Variants in CACNA2D1 observed in about 807,000 individuals in gnomAD.
CACNA2D1 encodes the protein calcium voltage-gated channel auxiliary subunit alpha2delta 1.
In CACNA2D1, 53 loss-of-function variants were observed where a neutral mutation model predicts 171.5. The ratio of observed to expected loss-of-function variants is 0.31; its 90% confidence interval spans 0.25 to 0.39. The LOEUF is 0.39. Ranked by LOEUF, CACNA2D1 falls within the 10% of genes least tolerant of loss-of-function variation. The pLI, the probability that CACNA2D1 is intolerant of heterozygous loss-of-function variation, is 1.00. For missense variants in CACNA2D1, 903 were observed against 1,299.8 expected (o/e 0.69, Z 4.69); for synonymous variants, 442 against 443.1 (o/e 1.00, Z 0.03).
In CACNA2D1 at chr7:82,398,766, T is replaced by C. The variant is rs370792734; in HGVS notation, c.95+44599A>G. ...TATTTTTTAAAATTTTTTGTAGAGA[T>C]GGTGGTCTCAACATGTTGCCTAGGC... is the stretch of plus-strand genomic sequence containing the variant. On this transcript the variant is annotated intron_variant, in intron 1 of 38. Coordinates refer to ENST00000356860, the MANE Select transcript of CACNA2D1 (RefSeq NM_000722.4). Among the ~76,000 whole-genome samples, 33 of 151,946 alleles carry C rather than the reference T, an allele frequency of 2.2e-4. No homozygotes were observed. The East Asian group carries it at 6.2e-3, about 29-fold the overall frequency.
chr7:82,003,743 ACTT>A (rs1798839400), intron 18 of CACNA2D1, among the ~76,000 whole-genome samples: 1 of 146,500 alleles, frequency 6.8e-6, no homozygotes, highest in South Asian at 2.2e-4. Context: ...TCATCACATT[ACTT>A]TTTTTTTTTT....
chr7:82,294,261 A>G (rs1049354057), intron 3 of CACNA2D1, among the ~76,000 whole-genome samples: 1 of 152,174 alleles, frequency 6.6e-6, no homozygotes, highest in Admixed American at 6.5e-5. Context: ...GACAGTAAAA[A>G]TAACTTGGCC....
intron 3 of CACNA2D1, among the ~76,000 whole-genome samples, chr7:82,208,325 G>A (rs544659429): frequency 1.7e-3 from 262 of 152,054 alleles, no homozygotes; most frequent in African/African-American, 5.9e-3. Flanking sequence ...TAGCATTAAC[G>A]ACTTGATATC....
chr7:82,029,063 G>T (rs1211723737), intron 12 of CACNA2D1: 3 of 151,748 alleles, frequency 2.0e-5, no homozygotes, highest in African/African-American at 4.8e-5. Context: ...GTGAAAGGAA[G>T]AGTCAGTCAA....
chr7:82,304,343 A>G (rs1359182630), intron 3 of CACNA2D1, among the ~76,000 whole-genome samples: 1 of 150,514 alleles, frequency 6.6e-6, no homozygotes, highest in Admixed American at 6.7e-5. Flanking sequence ...ATTAGTGGAT[A>G]TTAATCCAAA....
intron 3 of CACNA2D1, among the ~76,000 whole-genome samples, chr7:82,200,245 T>G (rs181155580): frequency 1.2e-4 from 18 of 152,208 alleles, no homozygotes; most frequent in African/African-American, 3.8e-4. Flanking sequence ...AGCAAGGTTA[T>G]CCAACAGAAT....
intron 1 of CACNA2D1, among the ~76,000 whole-genome samples, chr7:82,409,495 T>C (rs1343611833): frequency 1.3e-5 from 2 of 152,202 alleles, no homozygotes; most frequent in Non-Finnish European, 2.9e-5. Context: ...TAGGTTCTCC[T>C]ATTCAGTGAT....
intron 3 of CACNA2D1, among the ~76,000 whole-genome samples, chr7:82,236,654 T>A (rs1298610169): frequency 6.6e-6 from 1 of 152,100 alleles, no homozygotes; most frequent in East Asian, 1.9e-4. Context: ...GAATGGAGAA[T>A]TCAACCAAAG....
At chr7:82,321,140 T>C (rs1277265873) in intron 3 of CACNA2D1, among the ~76,000 whole-genome samples, 3 of 152,156 alleles carry the variant, frequency 2.0e-5, no homozygotes, top group African/African-American at 4.8e-5. Context: ...GGCTCACGCC[T>C]ATAACCCCAG....
At chr7:82,437,506 A>G (rs1315081261) in intron 1 of CACNA2D1, among the ~76,000 whole-genome samples, 1 of 151,758 alleles carries the variant, frequency 6.6e-6, no homozygotes, top group East Asian at 1.9e-4. Context: ...GCATATGGTT[A>G]AAAAAAATCA....
At chr7:82,004,995 C>G (rs965730897) in intron 18 of CACNA2D1, among the ~76,000 whole-genome samples, 29 of 152,170 alleles carry the variant, frequency 1.9e-4, no homozygotes, top group African/African-American at 6.7e-4. Context: ...AAAGGAAAAC[C>G]ATTCTGGGAG....
intron 4 of CACNA2D1, among the ~76,000 whole-genome samples, chr7:82,159,205 T>C (rs1009477129): frequency 6.6e-6 from 1 of 151,890 alleles, no homozygotes; most frequent in African/African-American, 2.4e-5. Flanking sequence ...TAATAACTTC[T>C]AGCTAAAAGT....
At position 82,216,601 on chromosome 7, in the gene CACNA2D1, T is replaced by C. The variant is rs545139372; in HGVS notation, c.295-45992A>G. ...TTTTTCAAAAATCAAACTGCTGATT[T>C]ATTCTTTTTTCTGAAGCATTCTGAA... On this transcript the variant is annotated intron_variant, in intron 3 of 38. Coordinates refer to ENST00000356860, the MANE Select transcript of CACNA2D1 (RefSeq NM_000722.4). Among the ~76,000 whole-genome samples, 16 of 152,288 alleles carry C rather than the reference T, an allele frequency of 1.1e-4. No homozygotes were observed. In the East Asian group the frequency reaches 3.1e-3, roughly 29 times the overall value.
chr7:82,428,311 T>C (rs1332336418), intron 1 of CACNA2D1, among the ~76,000 whole-genome samples: 1 of 151,970 alleles, frequency 6.6e-6, no homozygotes, highest in Non-Finnish European at 1.5e-5. Flanking sequence ...AGAAAGGATA[T>C]GGAGCAAACA....
At chr7:82,245,103 C>T (rs1165991993) in intron 3 of CACNA2D1, among the ~76,000 whole-genome samples, 3 of 152,120 alleles carry the variant, frequency 2.0e-5, no homozygotes, top group South Asian at 2.1e-4. Context: ...AGCTCAGAGC[C>T]GATTTTCTAA....
chr7:82,102,164 A>G (rs1294022946), intron 6 of CACNA2D1, among the ~76,000 whole-genome samples: 2 of 152,152 alleles, frequency 1.3e-5, no homozygotes, highest in Non-Finnish European at 2.9e-5. Flanking sequence ...TGAAAATAAG[A>G]GAAGGGAAGT....
At chr7:82,376,231 G>C (rs2129448794) in intron 1 of CACNA2D1, among the ~76,000 whole-genome samples, 1 of 152,196 alleles carries the variant, frequency 6.6e-6, no homozygotes, top group South Asian at 2.1e-4. Flanking sequence ...ATATGACTAA[G>C]CAGATGAACA....
At chr7:82,264,157 C>A (rs934299335) in intron 3 of CACNA2D1, among the ~76,000 whole-genome samples, 10 of 152,120 alleles carry the variant, frequency 6.6e-5, no homozygotes, top group African/African-American at 2.4e-4. Context: ...ACAGATGTTT[C>A]TGAACTGTTT....
intron 3 of CACNA2D1, among the ~76,000 whole-genome samples, chr7:82,223,725 G>T (rs182897196): frequency 6.6e-6 from 1 of 152,046 alleles, no homozygotes; most frequent in Admixed American, 6.5e-5. Flanking sequence ...CACTTAAACC[G>T]CTGCAATAGC....
Sources: allele counts gnomAD v4.1 joint callset (sites outside exome capture counted in the v4.1 genomes callset), GRCh38; gene constraint gnomAD v4.1.1; transcripts MANE v1.5; gene names NCBI Gene and HGNC (gene_info 2026-07-23, HGNC 2026-07-21).